The following KCTD16 variants were observed in gnomAD, a reference collection of about 807,000 sequenced individuals.
KCTD16 encodes the protein BTB/POZ domain-containing protein KCTD16.
A neutral mutation model predicts 33.2 loss-of-function variants in KCTD16; 13 were observed. That is an observed-to-expected ratio of 0.39 (90% confidence interval 0.25 to 0.62). KCTD16 has a LOEUF of 0.62. KCTD16 is among the 20% of genes least tolerant of loss of function. KCTD16 has a pLI of 0.50. For missense variants in KCTD16, 441 were observed against 525.1 expected, an observed-to-expected ratio of 0.84 and a Z score of 1.57; for synonymous variants, 197 against 195.3, an observed-to-expected ratio of 1.01 and a Z score of -0.07.
chr5:144,318,276 T>C (rs1000970472), intron 3 of KCTD16, among the ~76,000 whole-genome samples: 1 of 152,206 alleles, frequency 6.6e-6, no homozygotes, highest in Non-Finnish European at 1.5e-5. Flanking sequence ...AATTTATGTA[T>C]ATATTAGTAC....
intron 3 of KCTD16, among the ~76,000 whole-genome samples, chr5:144,359,658 G>A (rs1357519143): frequency 6.6e-6 from 1 of 150,878 alleles, no homozygotes; most frequent in Non-Finnish European, 1.5e-5. Flanking sequence ...AACTGGGGAT[G>A]GGGTGCTATT....
intron 3 of KCTD16, among the ~76,000 whole-genome samples, chr5:144,304,721 G>A (rs12653538): frequency 0.18 from 26,830 of 152,060 alleles, 2,692 homozygotes; most frequent in East Asian, 0.5. Context: ...ATATTGGAAC[G>A]TTTTGGTCCC....
Position 144,484,013 on chromosome 5 carries a change from T to G in KCTD16, c.*9899T>G, listed in dbSNP as rs1485452819. Reference sequence around the variant, plus strand: ...CCAAAATTTTGGAGCAGAGGGGACGTTTTACATCATCCTAACTTCATGTTC... The same window carrying G: ...CCAAAATTTTGGAGCAGAGGGGACGGTTTACATCATCCTAACTTCATGTTC... On this transcript the variant is annotated 3_prime_UTR_variant, in exon 4 of 4. Transcript: ENST00000512467. 1 of 151,932 alleles carries G rather than the reference T, an allele frequency of 6.6e-6. No homozygotes were observed. Among genetic ancestry groups the G allele is most frequent in the Non-Finnish European group, 1.5e-5 (1 of 67,916 alleles). The allele number at this position is 151,932 out of a possible 1,614,324, so 9.4% of individuals were successfully genotyped here.
intron 2 of KCTD16, among the ~76,000 whole-genome samples, chr5:144,185,891 C>T (rs1296601368): frequency 6.6e-6 from 1 of 152,116 alleles, no homozygotes; most frequent in Non-Finnish European, 1.5e-5. Context: ...AATTAATCCT[C>T]ACAAGAACTC....
chr5:144,373,092 A>G (rs1396309202), intron 3 of KCTD16, among the ~76,000 whole-genome samples: 1 of 152,162 alleles, frequency 6.6e-6, no homozygotes, highest in African/African-American at 2.4e-5. Context: ...TCAAGAGTTA[A>G]AAACAACTCT....
chr5:144,178,915 T>C (rs530237472), intron 2 of KCTD16, among the ~76,000 whole-genome samples: 4 of 152,194 alleles, frequency 2.6e-5, no homozygotes, highest in African/African-American at 7.2e-5. Context: ...TTCACTGAGA[T>C]AGCTCTAAAG....
At chr5:144,182,167 G>T (rs575021414) in intron 2 of KCTD16, among the ~76,000 whole-genome samples, 1 of 151,854 alleles carries the variant, frequency 6.6e-6, no homozygotes, top group Non-Finnish European at 1.5e-5. Flanking sequence ...GATTATGTTA[G>T]TTATGGCAGG....
chr5:144,289,366 G>A (rs1755833273), intron 3 of KCTD16, among the ~76,000 whole-genome samples: 1 of 152,188 alleles, frequency 6.6e-6, no homozygotes, highest in Non-Finnish European at 1.5e-5. Flanking sequence ...TAAGAGGACT[G>A]AGGTTTAAAA....
chr5:144,456,946 G>T (rs1373330018), intron 3 of KCTD16, among the ~76,000 whole-genome samples: 1 of 152,098 alleles, frequency 6.6e-6, no homozygotes, highest in Non-Finnish European at 1.5e-5. Flanking sequence ...TCTGAAAGGT[G>T]GGGGAACACA....
At chr5:144,366,186 G>A (rs1020382323) in intron 3 of KCTD16, among the ~76,000 whole-genome samples, 2 of 152,168 alleles carry the variant, frequency 1.3e-5, no homozygotes, top group Admixed American at 6.6e-5. Context: ...TATGGTTGCT[G>A]TTAGTCATCA....
chr5:144,264,679 G>A (rs1209805761), intron 3 of KCTD16, among the ~76,000 whole-genome samples: 1 of 152,172 alleles, frequency 6.6e-6, no homozygotes, highest in Non-Finnish European at 1.5e-5. Context: ...AGGCTGAGAT[G>A]GGAGGATTGC....
intron 3 of KCTD16, among the ~76,000 whole-genome samples, chr5:144,333,128 A>G (rs1055058656): frequency 7.2e-5 from 11 of 152,198 alleles, no homozygotes; most frequent in African/African-American, 2.4e-4. Flanking sequence ...TTACTATTTT[A>G]AAACCCATCA....
intron 3 of KCTD16, among the ~76,000 whole-genome samples, chr5:144,353,358 A>G (rs1405055280): frequency 1.3e-5 from 2 of 152,202 alleles, no homozygotes; most frequent in Non-Finnish European, 2.9e-5. Flanking sequence ...TGGAGCTGGA[A>G]GAAGTGAAAG....
At chr5:144,172,214 T>C (rs12522299) in intron 1 of KCTD16, among the ~76,000 whole-genome samples, 23,166 of 152,124 alleles carry the variant, frequency 0.15, 1,933 homozygotes, top group Admixed American at 0.24. Flanking sequence ...AGGATTGTAC[T>C]CTAGAGACCA....
chr5:144,285,436 C>G (rs1265035357), intron 3 of KCTD16, among the ~76,000 whole-genome samples: 1 of 152,156 alleles, frequency 6.6e-6, no homozygotes, highest in Non-Finnish European at 1.5e-5. Context: ...CCAGCCCTTC[C>G]CATTTTCTCT....
At chr5:144,435,617 G>A (rs1264144761) in intron 3 of KCTD16, among the ~76,000 whole-genome samples, 3 of 152,176 alleles carry the variant, frequency 2.0e-5, no homozygotes, top group Non-Finnish European at 4.4e-5. Flanking sequence ...TACCGGAAAT[G>A]GGATTGCTAG....
At chr5:144,397,552 A>C (rs188245689) in intron 3 of KCTD16, among the ~76,000 whole-genome samples, 20 of 152,124 alleles carry the variant, frequency 1.3e-4, no homozygotes, top group Admixed American at 1.2e-3. Context: ...CAACAGTGTA[A>C]AAGTGTTTCT....
intron 3 of KCTD16, among the ~76,000 whole-genome samples, chr5:144,256,617 G>T (rs73792353): frequency 0.034 from 3,191 of 93,898 alleles, 83 homozygotes; most frequent in Non-Finnish European, 0.052. Flanking sequence ...AGTTTTTTTT[G>T]TTTTTTTTTT....
intron 3 of KCTD16, among the ~76,000 whole-genome samples, chr5:144,466,539 CT>C (rs1238014926): frequency 6.6e-6 from 1 of 152,130 alleles, no homozygotes; most frequent in Non-Finnish European, 1.5e-5. Context: ...GCTGGAATCA[CT>C]GGGGCAGTCA....
Sources: gnomAD v4.1 joint callset for allele counts (sites outside exome capture counted in the v4.1 genomes callset) on GRCh38, gnomAD v4.1.1 for gene constraint, MANE v1.5 for transcripts, NCBI Gene and HGNC (gene_info 2026-07-23, HGNC 2026-07-21) for gene names.